The following RAB8A variants were observed in gnomAD, a reference collection of about 807,000 sequenced individuals.
RAB8A encodes the protein ras-related protein Rab-8A.
A neutral mutation model predicts 29.2 loss-of-function variants in RAB8A; 5 were observed. The ratio of observed to expected loss-of-function variants is 0.17; its 90% CI spans 0.09 to 0.36. The LOEUF is 0.36. Ranked by LOEUF, RAB8A falls within the 10% of genes least tolerant of loss-of-function variation. The pLI is 1.00. For missense variants in RAB8A, 171 were observed against 272.2 expected (o/e 0.63, Z 2.62); for synonymous variants, 108 against 99.9 (o/e 1.08, Z -0.49).
chr19:16,122,231 G>C lies in RAB8A; in HGVS notation c.246+421G>C, dbSNP rs374717588. ...CCCTGGGCTGTCGGCCGTTATATCC[G>C]TCACCCAGGCCTGAGGCGGGATGAC... On this transcript the variant is annotated intron_variant, in intron 3 of 7. Coordinates refer to ENST00000300935, the MANE Select transcript of RAB8A (RefSeq NM_005370.5). This position sits in a 1 kb window ranked among gnomAD's most constrained non-coding sequence, Gnocchi z 4.7. The C allele has an allele frequency of 6.2e-6, 1 of 161,604 alleles. No individual in the cohort carries two copies. Among genetic ancestry groups the C allele is most frequent in the Admixed American group, 6.2e-5 (1 of 16,024 alleles). The allele number at this position is 161,604 out of a possible 1,614,324, so 10.0% of individuals were successfully genotyped here. A position where few individuals can be genotyped will look rare whatever the true frequency, so the allele number is the denominator to read the frequency against.
At chr19:16,113,456 C>T (rs987105126) in intron 1 of RAB8A, among the ~76,000 whole-genome samples, 1 of 152,064 alleles carries the variant, frequency 6.6e-6, no homozygotes, top group African/African-American at 2.4e-5. Context: ...GGCTGGAATC[C>T]AGCGGCAGGA....
intron 3 of RAB8A, among the ~76,000 whole-genome samples, chr19:16,123,011 C>T (rs1286132959): frequency 6.6e-6 from 1 of 152,220 alleles, no homozygotes; most frequent in Non-Finnish European, 1.5e-5. Flanking sequence ...CTCCCCTGCA[C>T]CAGGCAGTGG....
intron 1 of RAB8A, among the ~76,000 whole-genome samples, chr19:16,117,130 A>G (rs2090849677): frequency 6.6e-6 from 1 of 152,136 alleles, no homozygotes; most frequent in African/African-American, 2.4e-5. Flanking sequence ...ACTGGGTCAT[A>G]TTCTGTTGTA....
chr19:16,130,546 G>A (rs533615779), intron 7 of RAB8A, among the ~76,000 whole-genome samples: 3 of 152,310 alleles, frequency 2.0e-5, no homozygotes, highest in Non-Finnish European at 4.4e-5. Flanking sequence ...AACAGTTCAT[G>A]GAAACCAGTG....
Position 16,128,005 on chromosome 19 carries a change from G to A in RAB8A, c.415-21G>A, listed in dbSNP as rs746096342. The A allele has an allele frequency of 5.4e-5, 87 of 1,613,574 alleles. 1 individual carries two copies. The highest frequency in any genetic ancestry group is 6.9e-5 in the Non-Finnish European group (81 of 1,179,622). On this transcript the variant is annotated intron_variant, in intron 5 of 7. Coordinates refer to ENST00000300935, the MANE Select transcript of RAB8A (RefSeq NM_005370.5). Reference sequence around the variant, plus strand: ...CGCCCGGCGGCTGGTGTGCTCATGCGTGTGCCTCCCTCTCTCACAGCTGGC... The same window carrying A: ...CGCCCGGCGGCTGGTGTGCTCATGCATGTGCCTCCCTCTCTCACAGCTGGC...
At chr19:16,114,980 T>G (rs2090840327) in intron 1 of RAB8A, among the ~76,000 whole-genome samples, 1 of 151,100 alleles carries the variant, frequency 6.6e-6, no homozygotes, top group African/African-American at 2.4e-5. Flanking sequence ...TAGGGCGGAG[T>G]GCTGCTGTGG....
chr19:16,114,259 C>A (rs934823886), intron 1 of RAB8A, among the ~76,000 whole-genome samples: 1 of 151,788 alleles, frequency 6.6e-6, no homozygotes, highest in African/African-American at 2.4e-5. Context: ...CAGAGCGAGA[C>A]CCTGTCTTAA....
intron 1 of RAB8A, among the ~76,000 whole-genome samples, chr19:16,117,506 G>A (rs2090851523): frequency 6.6e-6 from 1 of 150,906 alleles, no homozygotes. Context: ...AAAAAAGAAA[G>A]TAAGTTTGGA....
At chr19:16,129,482 C>T (rs1397094419) in intron 6 of RAB8A, 72 bp from the exon 7 acceptor site, 17 of 1,482,194 alleles carry the variant, frequency 1.1e-5, no homozygotes, top group African/African-American at 1.4e-5. Flanking sequence ...TCTCACCACA[C>T]CCGCTGTACA....
chr19:16,115,948 T>C (rs2090844242), intron 1 of RAB8A, among the ~76,000 whole-genome samples: 2 of 152,174 alleles, frequency 1.3e-5, no homozygotes, highest in South Asian at 4.1e-4. Flanking sequence ...TTGAACAAAC[T>C]CCTGGTGGCA....
chr19:16,116,830 A>C (rs2090847767), intron 1 of RAB8A, among the ~76,000 whole-genome samples: 1 of 148,668 alleles, frequency 6.7e-6, no homozygotes, highest in Admixed American at 6.9e-5. Flanking sequence ...GCACCACTGC[A>C]CTCCAGGCTA....
Position 16,122,109 on chromosome 19 carries a change from A to G in RAB8A, c.246+299A>G, listed in dbSNP as rs1464213956. On this transcript the variant is annotated intron_variant, in intron 3 of 7. Transcript: ENST00000300935. The surrounding 1 kb of genome is among the most constrained non-coding windows in gnomAD (Gnocchi z 4.7). The stretch of plus-strand genomic sequence containing the variant: ...TTCCAGGTGAGCTCAGTGCAGTTAA[A>G]GCCGGCATGCCCCGACTTTTAGGAG... 1 of 306,742 alleles carries G rather than the reference A, an allele frequency of 3.3e-6. No individual in the cohort carries two copies. Among genetic ancestry groups the G allele is most frequent in the African/African-American group, 2.1e-5 (1 of 47,408 alleles). The allele number at this position is 306,742 out of a possible 1,614,324, so 19.0% of individuals were successfully genotyped here. A position where few individuals can be genotyped will look rare whatever the true frequency, so the allele number is the denominator to read the frequency against.
chr19:16,119,658 CT>C (rs1199402107), intron 2 of RAB8A, among the ~76,000 whole-genome samples: 1 of 152,178 alleles, frequency 6.6e-6, no homozygotes, highest in Non-Finnish European at 1.5e-5. Flanking sequence ...CCATGTCACC[CT>C]TTGTTCCCAA....
chr19:16,131,194 G>C (rs1269439498), intron 7 of RAB8A, among the ~76,000 whole-genome samples: 1 of 152,170 alleles, frequency 6.6e-6, no homozygotes, highest in Non-Finnish European at 1.5e-5. Context: ...GGCTCAAGCA[G>C]TTCTTCTGCC....
chr19:16,123,522 G>C (rs1181304731), intron 3 of RAB8A: 1 of 152,218 alleles, frequency 6.6e-6, no homozygotes, highest in East Asian at 1.9e-4. Context: ...CAGGAGAATC[G>C]CTTAAACCTG....
chr19:16,119,397 G>T (rs564742748), intron 2 of RAB8A, among the ~76,000 whole-genome samples: 1 of 152,012 alleles, frequency 6.6e-6, no homozygotes, highest in East Asian at 1.9e-4. Flanking sequence ...TAGAGACGGG[G>T]TTTCTCCATG....
Position 16,125,938 on chromosome 19 carries a change from A to G in RAB8A, c.324+391A>G, listed in dbSNP as rs540931263. ...GCAGGCGTCAGTTGTACTTTGAGCT[A>G]TATCGGAGCAGGGTGTGACCTGGTA... On this transcript the variant is annotated intron_variant, in intron 4 of 7. Transcript: ENST00000300935. This position sits in a 1 kb window ranked among gnomAD's most constrained non-coding sequence, Gnocchi z 5.0. The G allele has an allele frequency of 2.5e-5, 9 of 354,804 alleles. No individual in the cohort carries two copies. In the East Asian group the frequency reaches 4.2e-4, roughly 17 times the overall value. 22.0% of individuals were successfully genotyped at this position (354,804 alleles called of 1,614,324 possible). A position where few individuals can be genotyped will look rare whatever the true frequency, so the allele number is the denominator to read the frequency against.
At position 16,125,516 on chromosome 19, in the gene RAB8A, A is replaced by G. The variant is rs775438230; in HGVS notation, c.293A>G (p.Asn98Ser). 1 of 1,614,148 alleles carries G rather than the reference A, an allele frequency of 6.2e-7. No individual in the cohort carries two copies. Among genetic ancestry groups the G allele is most frequent in the Admixed American group, 1.7e-5 (1 of 60,024 alleles). Residue 98 changes from asparagine (N) to serine (S), a missense_variant, in exon 4 of 8, where the codon AAC (asparagine) becomes AGC (serine). Transcript: ENST00000300935. This position sits in a 1 kb window ranked among gnomAD's most constrained non-coding sequence, Gnocchi z 5.0. ...YDITNEKSFD[N>S]IRNWIRNIEE... ...ATCACCAACGAGAAGTCCTTCGACA[A>G]CATCCGGAACTGGATTCGCAACATT...
intron 7 of RAB8A, among the ~76,000 whole-genome samples, chr19:16,131,828 G>C (rs1416657577): frequency 6.6e-6 from 1 of 151,502 alleles, no homozygotes; most frequent in African/African-American, 2.4e-5. Context: ...GTGGATGGAT[G>C]GATGGTTGAA....
Sources: gnomAD v4.1 joint callset for allele counts (sites outside exome capture counted in the v4.1 genomes callset) on GRCh38, gnomAD v4.1.1 for gene constraint, Gnocchi (gnomAD v3.1) non-coding constraint, MANE v1.5 for transcripts, NCBI Gene and HGNC (gene_info 2026-07-23, HGNC 2026-07-21) for gene names.